DENND2B: variants seen among roughly 807,000 people sequenced by gnomAD.
DENND2B encodes the protein DENN domain containing 2B.
DENND2B carries 32 observed loss-of-function variants against 116.0 expected under a neutral mutation model. The ratio of observed to expected loss-of-function variants is 0.28; its 90% CI spans 0.21 to 0.37. The LOEUF is 0.37. Among genes scored for constraint, DENND2B ranks in the 10% least tolerant of loss-of-function variants. DENND2B has a pLI of 1.00. For missense variants in DENND2B, 1,276 were observed against 1,477.7 expected (o/e 0.86, Z 2.24); for synonymous variants, 588 against 583.9 (o/e 1.01, Z -0.10).
intron 4 of DENND2B, among the ~76,000 whole-genome samples, chr11:8,821,864 T>TCACTGCAACCTCTGCCTCC (rs1468175110): frequency 1.3e-5 from 2 of 152,178 alleles, no homozygotes; most frequent in Non-Finnish European, 2.9e-5. Flanking sequence ...AGATCTTGGC[T>TCACTGCAACCTCTGCCTCC]CACTGCAACC....
At chr11:8,886,825 T>TC (rs772733115) in intron 1 of DENND2B, among the ~76,000 whole-genome samples, 10 of 152,162 alleles carry the variant, frequency 6.6e-5, no homozygotes, top group Non-Finnish European at 1.3e-4. Context: ...TGAAGATTTA[T>TC]CTTTTTTTTT....
chr11:8,878,713 A>C (rs1238799419), intron 2 of DENND2B, among the ~76,000 whole-genome samples: 2 of 152,210 alleles, frequency 1.3e-5, no homozygotes, highest in Admixed American at 6.5e-5. Flanking sequence ...GTGTATCTAT[A>C]CAGTGGAATA....
intron 1 of DENND2B, among the ~76,000 whole-genome samples, chr11:8,802,435 T>A (rs950987239): frequency 2.6e-5 from 4 of 152,210 alleles, no homozygotes; most frequent in Non-Finnish European, 5.9e-5. Context: ...TAGGCTTTGT[T>A]ACAGCCCCAT....
intron 2 of DENND2B, among the ~76,000 whole-genome samples, chr11:8,734,808 A>AAG (rs1555149788): frequency 6.6e-6 from 1 of 151,522 alleles, no homozygotes; most frequent in Non-Finnish European, 1.5e-5. Flanking sequence ...AAAAAAAAAA[A>AAG]AAAGAAAGAT....
In DENND2B at chr11:8,702,552, C is replaced by G; in HGVS notation, c.2720+20G>C. ...TGCCTTCCCCCCTCCCTTCTGCTTT[C>G]TTGCCCGGCTGGGCCCTACCTGAGC... On this transcript the variant is annotated intron_variant, in intron 14 of 19. Coordinates refer to ENST00000313726, the MANE Select transcript of DENND2B (RefSeq NM_213618.2). The surrounding 1 kb of genome is among the most constrained non-coding windows in gnomAD (Gnocchi z 4.6). The G allele has an allele frequency of 6.2e-7, 1 of 1,609,164 alleles. No individual in the cohort carries two copies. Among genetic ancestry groups the G allele is most frequent in the Non-Finnish European group, 8.5e-7 (1 of 1,179,958 alleles).
At chr11:8,902,261 G>A (rs1405758192) in intron 1 of DENND2B, among the ~76,000 whole-genome samples, 1 of 151,334 alleles carries the variant, frequency 6.6e-6, no homozygotes, top group African/African-American at 2.4e-5. Context: ...AGGAGGCAGA[G>A]GCTGCAGTGA....
rs35488456 is a variant in DENND2B at position 8,769,239 on chromosome 11, C to CTTT, written c.-25-18517_-25-18515dup. Among the ~76,000 whole-genome samples, 93 of 142,580 alleles carry CTTT rather than the reference C, an allele frequency of 6.5e-4. 1 individual carries two copies. Among genetic ancestry groups the CTTT allele is most frequent in the African/African-American group, 2.2e-3 (85 of 38,544 alleles). The allele number at this position is 142,580 out of a possible 152,430, so 93.5% of individuals were successfully genotyped here. On this transcript the variant is annotated intron_variant, in intron 1 of 19. Transcript: ENST00000313726. ...AGGTAACAGCAACGTAAAGCAACTT[C>CTTT]TTTTTTTTTTTTTTTGAGACAAGAG...
In DENND2B at chr11:8,707,703, TA is replaced by T; in HGVS notation, c.2430+73del. 1 of 1,466,186 alleles carries T rather than the reference TA, an allele frequency of 6.8e-7. No individual in the cohort carries two copies. The highest frequency in any genetic ancestry group is 9.3e-7 in the Non-Finnish European group (1 of 1,074,472). The allele number at this position is 1,466,186 out of a possible 1,614,324, so 90.8% of individuals were successfully genotyped here. On this transcript the variant is annotated intron_variant, in intron 12 of 19. Coordinates refer to ENST00000313726, the MANE Select transcript of DENND2B (RefSeq NM_213618.2). This position sits in a 1 kb window ranked among gnomAD's most constrained non-coding sequence, Gnocchi z 4.8. Reference sequence around the variant, plus strand: ...CACAGTCACAGGTGGTTTTCTCATCTAAGCTGGCTGCAGATACTCCTGTGGG... The same window carrying T: ...CACAGTCACAGGTGGTTTTCTCATCTAGCTGGCTGCAGATACTCCTGTGGG...
chr11:8,787,304 C>G (rs1462368304), intron 1 of DENND2B: 1 of 151,932 alleles, frequency 6.6e-6, no homozygotes, highest in East Asian at 1.9e-4. Context: ...TCATCATCCT[C>G]AAGGAGAAGA....
chr11:8,745,849 GT>G (rs773440811), intron 2 of DENND2B, among the ~76,000 whole-genome samples: 31 of 152,322 alleles, frequency 2.0e-4, no homozygotes, highest in South Asian at 4.1e-4. Context: ...TGTCATACAT[GT>G]AAGCCTTCAG....
chr11:8,848,423 A>G (rs1283963360), intron 3 of DENND2B, among the ~76,000 whole-genome samples: 1 of 152,086 alleles, frequency 6.6e-6, no homozygotes, highest in Non-Finnish European at 1.5e-5. Flanking sequence ...TCAAAAACAC[A>G]TTATTAATAA....
intron 2 of DENND2B, among the ~76,000 whole-genome samples, chr11:8,747,047 C>T (rs1387400052): frequency 1.3e-5 from 2 of 151,924 alleles, no homozygotes; most frequent in African/African-American, 2.4e-5. Context: ...GCTAAGATGA[C>T]CCATTAGGAA....
At chr11:8,887,244 T>G (rs1331125680) in intron 1 of DENND2B, among the ~76,000 whole-genome samples, 1 of 152,242 alleles carries the variant, frequency 6.6e-6, no homozygotes, top group Non-Finnish European at 1.5e-5. Flanking sequence ...TCAAAATATT[T>G]TGCATTATCT....
intron 3 of DENND2B, among the ~76,000 whole-genome samples, chr11:8,841,002 C>T (rs1455832685): frequency 6.6e-6 from 1 of 152,168 alleles, no homozygotes; most frequent in East Asian, 1.9e-4. Flanking sequence ...ATGAAACAAG[C>T]TGGACAGTCA....
At chr11:8,862,723 C>T (rs1187643304) in intron 2 of DENND2B, among the ~76,000 whole-genome samples, 1 of 152,160 alleles carries the variant, frequency 6.6e-6, no homozygotes, top group Non-Finnish European at 1.5e-5. Context: ...TCCCACACGC[C>T]TAGCCTGGGT....
At chr11:8,873,330 G>A (rs2063811440), upstream of DENND2B, among the ~76,000 whole-genome samples, 1 of 152,182 alleles carries the variant, frequency 6.6e-6, no homozygotes, top group African/African-American at 2.4e-5. Flanking sequence ...GCAATAATTA[G>A]ATATAAATAC....
chr11:8,897,640 C>G (rs1860837880), intron 1 of DENND2B, among the ~76,000 whole-genome samples: 1 of 152,156 alleles, frequency 6.6e-6, no homozygotes, highest in Admixed American at 6.5e-5. Context: ...ACCTGATACC[C>G]TTGGTGGTCT....
intron 2 of DENND2B, among the ~76,000 whole-genome samples, chr11:8,876,898 G>GAAAGA (rs1350733732): frequency 2.7e-5 from 4 of 149,996 alleles, no homozygotes; most frequent in African/African-American, 9.8e-5. Flanking sequence ...AAAAAAGAAA[G>GAAAGA]AAAGAAAAGA....
intron 1 of DENND2B, among the ~76,000 whole-genome samples, chr11:8,774,669 C>T (rs1465417197): frequency 6.6e-6 from 1 of 152,130 alleles, no homozygotes; most frequent in Non-Finnish European, 1.5e-5. Context: ...AGTCAAGGGG[C>T]ACAGCAAGTT....
Sources: allele counts gnomAD v4.1 joint callset (sites outside exome capture counted in the v4.1 genomes callset), GRCh38; gene constraint gnomAD v4.1.1; non-coding constraint Gnocchi (gnomAD v3.1); transcripts MANE v1.5; gene names NCBI Gene and HGNC (gene_info 2026-07-23, HGNC 2026-07-21).